The following WDR44 variants were observed in gnomAD, a reference collection of about 807,000 sequenced individuals.
WDR44 encodes the protein WD repeat-containing protein 44.
Under a neutral mutation model 65.7 loss-of-function variants are expected in WDR44, and 9 were observed. The ratio of observed to expected loss-of-function variants is 0.14; its 90% CI spans 0.08 to 0.24. The LOEUF is 0.24. Ranked by LOEUF, WDR44 falls within the 10% of genes least tolerant of loss-of-function variation. WDR44 has a pLI of 1.00. For missense variants in WDR44, 425 were observed against 670.9 expected (o/e 0.63, Z 4.05); for synonymous variants, 220 against 235.2 (o/e 0.94, Z 0.59).
intron 8 of WDR44, among the ~76,000 whole-genome samples, chrX:118,402,164 G>T (rs2056922812): frequency 9.1e-6 from 1 of 109,759 alleles, no homozygotes; most frequent in African/African-American, 3.3e-5. Context: ...GCCAGGCGTG[G>T]TGGCTCATGC....
chrX:118,401,496 C>T (rs1283644270), intron 8 of WDR44, among the ~76,000 whole-genome samples: 152 of 78,862 alleles, frequency 1.9e-3, no homozygotes, highest in African/African-American at 7.2e-3. Context: ...TCATGTCCTT[C>T]GCCCACTTTT....
chrX:118,434,159 G>A (rs999865664), intron 13 of WDR44, among the ~76,000 whole-genome samples: 1 of 111,929 alleles, frequency 8.9e-6, no homozygotes, highest in Admixed American at 9.6e-5. Flanking sequence ...TATACTTTCC[G>A]TTTTATACTT....
intron 19 of WDR44, among the ~76,000 whole-genome samples, chrX:118,446,302 C>T (rs940036368): frequency 3.6e-5 from 4 of 110,007 alleles, no homozygotes; most frequent in Admixed American, 9.8e-5. Flanking sequence ...ATATATATGG[C>T]AGGCGTTGTG....
At chrX:118,435,233 A>G (rs746700288) in intron 13 of WDR44, among the ~76,000 whole-genome samples, 1 of 112,166 alleles carries the variant, frequency 8.9e-6, no homozygotes, top group East Asian at 2.8e-4. Flanking sequence ...GCAATGAGCT[A>G]TTGCAGGAAT....
At chrX:118,396,889 T>A in intron 6 of WDR44, 81 bp from the exon 7 acceptor site, 1 of 1,045,692 alleles carries the variant, frequency 9.6e-7, no homozygotes, top group Non-Finnish European at 1.3e-6. Context: ...TTAGCTTAAA[T>A]TTTAGGGGAT....
At chrX:118,447,167 C>T in intron 19 of WDR44, 1 of 259,986 alleles carries the variant, frequency 3.8e-6, no homozygotes. Context: ...GACATCATAC[C>T]TGGCCTTTTT....
chrX:118,366,906 A>C (rs1416000622), intron 1 of WDR44, among the ~76,000 whole-genome samples: 1 of 111,422 alleles, frequency 9.0e-6, no homozygotes, highest in Non-Finnish European at 1.9e-5. Context: ...GACCACGGTG[A>C]AACCCCGTCT....
chrX:118,402,010 T>C (rs1268323970), intron 8 of WDR44, among the ~76,000 whole-genome samples: 1 of 106,483 alleles, frequency 9.4e-6, no homozygotes, highest in Non-Finnish European at 1.9e-5. Flanking sequence ...TTTGTTTTTT[T>C]TGTTTTTTTG....
At chrX:118,350,962 C>G (rs1033142432) in intron 1 of WDR44, among the ~76,000 whole-genome samples, 9 of 111,608 alleles carry the variant, frequency 8.1e-5, no homozygotes, top group Non-Finnish European at 1.5e-4. Flanking sequence ...CTTGATTCCT[C>G]ACTTATACCA....
chrX:118,359,612 C>T (rs1221354207), intron 1 of WDR44, among the ~76,000 whole-genome samples: 1 of 112,084 alleles, frequency 8.9e-6, no homozygotes, highest in Non-Finnish European at 1.9e-5. Flanking sequence ...GTATATTTCA[C>T]AACAAAGTTT....
intron 12 of WDR44, among the ~76,000 whole-genome samples, chrX:118,416,788 T>G (rs2057061152): frequency 9.0e-6 from 1 of 111,704 alleles, no homozygotes; most frequent in South Asian, 3.7e-4. Context: ...AGTGGAGTAT[T>G]GAAGTCCCCA....
intron 7 of WDR44, among the ~76,000 whole-genome samples, chrX:118,398,155 T>C (rs1198820656): frequency 8.9e-6 from 1 of 111,888 alleles, no homozygotes; most frequent in Non-Finnish European, 1.9e-5. Context: ...GAGAATTGCT[T>C]GAACCAGGGA....
chrX:118,394,854 G>T lies in WDR44; in HGVS notation c.958-395G>T, dbSNP rs148445310. Among the ~76,000 whole-genome samples the T allele has an allele frequency of 1.8e-3, 199 of 111,880 alleles. 1 individual carries two copies. Among genetic ancestry groups the T allele is most frequent in the Middle Eastern group, 9.2e-3 (2 of 217 alleles). On this transcript the variant is annotated intron_variant, in intron 5 of 19. Transcript: ENST00000254029. ...TTGTTTAAAATAAGAAGAAGAATATGTGACAGAGACTCTATATGAACAAAA... is the reference window on the plus strand; with the variant it reads ...TTGTTTAAAATAAGAAGAAGAATATTTGACAGAGACTCTATATGAACAAAA...
chrX:118,362,157 A>G lies in WDR44; in HGVS notation c.77+15577A>G, dbSNP rs1235855733. Among the ~76,000 whole-genome samples the G allele has an allele frequency of 2.7e-5, 3 of 112,342 alleles. No individual in the cohort carries two copies. In the South Asian group the frequency reaches 1.1e-3, roughly 41 times the overall value. ...ATGCATTGACAGAATTGAGAAGCAA[A>G]TTCTACTTCACGTTGCAGAAGGCTC... On this transcript the variant is annotated intron_variant, in intron 1 of 19. Transcript: ENST00000254029.
intron 1 of WDR44, among the ~76,000 whole-genome samples, chrX:118,369,671 T>A (rs2056595576): frequency 9.2e-6 from 1 of 109,042 alleles, no homozygotes. Context: ...GGTTTCACCG[T>A]GTTAGCCAGG....
chrX:118,395,356 T>C lies in WDR44; in HGVS notation c.1053+12T>C. On this transcript the variant is annotated intron_variant, in intron 6 of 19. Coordinates refer to ENST00000254029, the MANE Select transcript of WDR44 (RefSeq NM_019045.5). ...AGCTTACTGATGAGGTAGAAATAGA[T>C]TTTTTTGTTCTTGTTCTTAAAACAT... 1 of 1,173,724 alleles carries C rather than the reference T, an allele frequency of 8.5e-7. No homozygotes were observed. Among genetic ancestry groups the C allele is most frequent in the Non-Finnish European group, 1.2e-6 (1 of 869,356 alleles).
intron 1 of WDR44, among the ~76,000 whole-genome samples, chrX:118,353,020 T>G (rs1470441483): frequency 8.9e-6 from 1 of 112,295 alleles, no homozygotes; most frequent in African/African-American, 3.2e-5. Context: ...TTGTAGGTAC[T>G]TTATGATGTC....
chrX:118,406,951 A>G lies in WDR44; in HGVS notation c.1458A>G (p.Lys486=). Residue 486 remains lysine (K), a synonymous_variant, in exon 10 of 20, where the codon AAA becomes AAG. Coordinates refer to ENST00000254029, the MANE Select transcript of WDR44 (RefSeq NM_019045.5). The part of the protein sequence containing the change: ...GMPYTRPVKF[K]AAHGFKGPYD... ...CATACACAAGACCAGTTAAATTCAA[A>G]GCAGCACACGGTTTCAAAGGACCTT... 1 of 1,211,488 alleles carries G rather than the reference A, an allele frequency of 8.3e-7. No homozygotes were observed. Among genetic ancestry groups the G allele is most frequent in the Non-Finnish European group, 1.1e-6 (1 of 895,200 alleles).
chrX:118,368,668 T>C (rs1216840151), intron 1 of WDR44, among the ~76,000 whole-genome samples: 1 of 102,399 alleles, frequency 9.8e-6, no homozygotes, highest in East Asian at 3.1e-4. Flanking sequence ...AAGGCCTCTG[T>C]GTGATGCCAC....
Sources: allele counts gnomAD v4.1 joint callset (sites outside exome capture counted in the v4.1 genomes callset), GRCh38; gene constraint gnomAD v4.1.1; transcripts MANE v1.5; gene names NCBI Gene and HGNC (gene_info 2026-07-23, HGNC 2026-07-21).